CHLSN: variants seen among roughly 807,000 people sequenced by gnomAD.
CHLSN encodes protein cholesin.
At chr7:1,021,142 T>C in the CHLSN span, among the ~76,000 whole-genome samples, 6,875 of 150,962 alleles carry the variant, frequency 0.046, 524 homozygotes, top group African/African-American at 0.16. Context: ...CTGGAGACAT[T>C]CCAGTAGGGA....
chr7:1,070,335 G>A, the CHLSN span, among the ~76,000 whole-genome samples: 1 of 138,192 alleles, frequency 7.2e-6, no homozygotes, highest in South Asian at 2.4e-4. Context: ...CTGGCCAGCC[G>A]TGCCGTCCGG....
At chr7:983,372 G>A in the CHLSN span, 203 of 1,519,874 alleles carry the variant, frequency 1.3e-4, no homozygotes, top group Non-Finnish European at 1.6e-4. Context: ...CAACAGGACC[G>A]GTCCCTGATG....
At chr7:1,069,034 TAA>T in the CHLSN span, among the ~76,000 whole-genome samples, 1 of 152,158 alleles carries the variant, frequency 6.6e-6, no homozygotes, top group African/African-American at 2.4e-5. Context: ...AGACCGTCAT[TAA>T]AAGTCTCACG....
the CHLSN span, among the ~76,000 whole-genome samples, chr7:1,123,706 C>A: frequency 4.6e-5 from 7 of 151,972 alleles, no homozygotes; most frequent in African/African-American, 1.7e-4. This position sits in a 1 kb window ranked among gnomAD's most constrained non-coding sequence, Gnocchi z 4.4. Flanking sequence ...CCCAGACATA[C>A]AAGAACATGA....
chr7:998,269 G>A, the CHLSN span, among the ~76,000 whole-genome samples: 2 of 152,154 alleles, frequency 1.3e-5, no homozygotes, highest in Non-Finnish European at 2.9e-5. Flanking sequence ...AGGCTCACCA[G>A]TCACCTGACA....
the CHLSN span, among the ~76,000 whole-genome samples, chr7:1,011,049 G>C: frequency 6.7e-6 from 1 of 148,806 alleles, no homozygotes; most frequent in African/African-American, 2.5e-5. Context: ...CCTACATACA[G>C]ATATATATGC....
At chr7:1,030,457 G>A in the CHLSN span, among the ~76,000 whole-genome samples, 1 of 152,184 alleles carries the variant, frequency 6.6e-6, no homozygotes, top group Non-Finnish European at 1.5e-5. Flanking sequence ...TAGCCCCACA[G>A]GGATGGGGAC....
At chr7:1,091,373 G>C in the CHLSN span, 34 of 210,340 alleles carry the variant, frequency 1.6e-4, no homozygotes, top group Non-Finnish European at 4.8e-5. Flanking sequence ...GGGGCCACTC[G>C]ATGAGACTTC....
At chr7:1,100,747 C>T in the CHLSN span, among the ~76,000 whole-genome samples, 3 of 152,068 alleles carry the variant, frequency 2.0e-5, no homozygotes, top group Non-Finnish European at 4.4e-5. Context: ...TGCCTCCCGG[C>T]CTCCACAGGG....
At chr7:1,018,883 C>G in the CHLSN span, among the ~76,000 whole-genome samples, 2 of 152,132 alleles carry the variant, frequency 1.3e-5, no homozygotes, top group Non-Finnish European at 2.9e-5. Flanking sequence ...CTCTGTCCCT[C>G]CCAGGTGTTC....
chr7:1,006,685 C>T, the CHLSN span, among the ~76,000 whole-genome samples: 2 of 147,602 alleles, frequency 1.4e-5, no homozygotes, highest in Non-Finnish European at 3.0e-5. Context: ...AAAGAGCGCA[C>T]GACGGTCATA....
chr7:1,039,367 G>C, the CHLSN span, among the ~76,000 whole-genome samples: 1 of 66,708 alleles, frequency 1.5e-5, no homozygotes, highest in Admixed American at 1.3e-4. Context: ...AGGGAGGTGG[G>C]GGTGTCAGCC....
chr7:1,070,775 G>A, the CHLSN span, among the ~76,000 whole-genome samples: 7 of 138,930 alleles, frequency 5.0e-5, no homozygotes, highest in Admixed American at 3.5e-4. Flanking sequence ...ACATGCACAC[G>A]CACGCACACG....
At chr7:1,079,930 C>G in the CHLSN span, among the ~76,000 whole-genome samples, 2 of 152,176 alleles carry the variant, frequency 1.3e-5, no homozygotes, top group African/African-American at 2.4e-5. Context: ...TTGGGGAGTT[C>G]CCCCAGGCCC....
At chr7:1,053,375 CG>C in the CHLSN span, among the ~76,000 whole-genome samples, 20 of 152,230 alleles carry the variant, frequency 1.3e-4, no homozygotes, top group Non-Finnish European at 1.3e-4. Flanking sequence ...CTAATGTGCC[CG>C]GAACAGCTCA....
the CHLSN span, among the ~76,000 whole-genome samples, chr7:1,000,195 C>T: frequency 6.6e-6 from 1 of 152,172 alleles, no homozygotes; most frequent in African/African-American, 2.4e-5. Context: ...GCGGCCCCTT[C>T]AGACTGTGGC....
At chr7:987,469 C>G in the CHLSN span, 1 of 1,563,604 alleles carries the variant, frequency 6.4e-7, no homozygotes, top group Admixed American at 1.8e-5. Flanking sequence ...CATCACGCTC[C>G]TGCCGCACGT....
chr7:1,051,645 G>A, the CHLSN span, among the ~76,000 whole-genome samples: 1 of 152,220 alleles, frequency 6.6e-6, no homozygotes, highest in African/African-American at 2.4e-5. Context: ...CGGGCAGTAG[G>A]TGCAAGGCTG....
the CHLSN span, among the ~76,000 whole-genome samples, chr7:1,034,992 G>A: frequency 1.3e-5 from 2 of 152,250 alleles, no homozygotes; most frequent in Non-Finnish European, 2.9e-5. Flanking sequence ...TTTAATGGCT[G>A]CATAGTATTC....
Sources: allele counts gnomAD v4.1 joint callset (sites outside exome capture counted in the v4.1 genomes callset), GRCh38; gene constraint gnomAD v4.1.1; non-coding constraint Gnocchi (gnomAD v3.1); transcripts MANE v1.5; gene names NCBI Gene and HGNC (gene_info 2026-07-23, HGNC 2026-07-21).